The following ALK variants were observed in gnomAD, a reference collection of about 807,000 sequenced individuals.
The protein encoded by ALK is ALK receptor tyrosine kinase, also known as ALK tyrosine kinase receptor.
A neutral mutation model predicts 163.1 loss-of-function variants in ALK; 74 were observed. The ratio of observed to expected loss-of-function variants is 0.45; its 90% confidence interval spans 0.38 to 0.55. The LOEUF (loss-of-function observed/expected upper bound fraction) is 0.55, where lower values mean the gene tolerates loss of function less well. Among genes scored for constraint, ALK ranks in the 20% least tolerant of loss-of-function variants. The pLI is 0.00. For synonymous variants in ALK, 960 were observed against 843.2 expected (o/e 1.14, Z -2.40); for missense variants, 2,063 against 2,105.3 (o/e 0.98, Z 0.39).
intron 11 of ALK, among the ~76,000 whole-genome samples, chr2:29,272,789 T>C (rs998475096): frequency 5.9e-5 from 9 of 152,240 alleles, no homozygotes; most frequent in Admixed American, 5.9e-4. Context: ...AACTCTTCCC[T>C]GCTCTTTTCC....
At chr2:29,657,440 A>C (rs1677218218) in intron 3 of ALK, among the ~76,000 whole-genome samples, 1 of 152,170 alleles carries the variant, frequency 6.6e-6, no homozygotes, top group African/African-American at 2.4e-5. Flanking sequence ...TCTGAAACTG[A>C]GGTACACATT....
intron 4 of ALK, among the ~76,000 whole-genome samples, chr2:29,446,201 C>T (rs1049138887): frequency 9.4e-5 from 14 of 149,460 alleles, no homozygotes; most frequent in Middle Eastern, 3.6e-3. Context: ...AACACAACAA[C>T]CAGCAAATAG....
At chr2:29,333,108 GT>G (rs928737453) in intron 5 of ALK, among the ~76,000 whole-genome samples, 25 of 143,900 alleles carry the variant, frequency 1.7e-4, no homozygotes, top group African/African-American at 7.1e-4. Flanking sequence ...GTGAAGTTGG[GT>G]TTTTTTGTTT....
rs559235121 is a variant in ALK at position 29,233,461 on chromosome 2, C to T, written c.2487+104G>A. ...GTACCTGGCCCTGCTCATCTTTACACGGGGATAAGAGCATCTGAGGTGTTT... is the reference window on the plus strand; with the variant it reads ...GTACCTGGCCCTGCTCATCTTTACATGGGGATAAGAGCATCTGAGGTGTTT... On this transcript the variant is annotated intron_variant, in intron 14 of 28. Coordinates refer to ENST00000389048, the MANE Select transcript of ALK (RefSeq NM_004304.5). 7,795 of 1,542,582 alleles carry T rather than the reference C, an allele frequency of 5.1e-3. 23 individuals carry two copies. Among genetic ancestry groups the T allele is most frequent in the Non-Finnish European group, 6.3e-3 (7,095 of 1,117,350 alleles).
rs62130613 is a variant in ALK at position 29,278,443 on chromosome 2, G to C, written c.1818-2947C>G. Among the ~76,000 whole-genome samples, 1,443 of 152,232 alleles carry C rather than the reference G, an allele frequency of 9.5e-3. 25 individuals are homozygous for C. Among genetic ancestry groups the C allele is most frequent in the Non-Finnish European group, 0.015 (1,038 of 67,994 alleles). ...GATGGGGACCAGGAGAGGAGGCAGA[G>C]GCAGGGGAGACAGCATGAGAGGCAT... is the stretch of plus-strand genomic sequence containing the variant. On this transcript the variant is annotated intron_variant, in intron 9 of 28. Transcript: ENST00000389048.
intron 4 of ALK, among the ~76,000 whole-genome samples, chr2:29,478,684 T>A (rs1175820089): frequency 6.6e-6 from 1 of 152,212 alleles, no homozygotes; most frequent in African/African-American, 2.4e-5. Context: ...GTATCAACGA[T>A]GAGCATGGAC....
intron 4 of ALK, among the ~76,000 whole-genome samples, chr2:29,419,372 T>A (rs2148328218): frequency 6.6e-6 from 1 of 151,440 alleles, no homozygotes; most frequent in African/African-American, 2.4e-5. Context: ...CATTTCCCCA[T>A]GTGCTTATAA....
At chr2:29,372,745 T>G (rs559833696) in intron 5 of ALK, among the ~76,000 whole-genome samples, 1 of 152,244 alleles carries the variant, frequency 6.6e-6, no homozygotes, top group East Asian at 1.9e-4. Flanking sequence ...CTGTCCATGA[T>G]GCTGTATCCC....
chr2:29,244,871 T>C (rs929368888), intron 12 of ALK, among the ~76,000 whole-genome samples: 1 of 152,276 alleles, frequency 6.6e-6, no homozygotes, highest in East Asian at 1.9e-4. Context: ...TGGACTGTTA[T>C]TAAACTTTTC....
At chr2:29,425,170 A>C (rs1670104000) in intron 4 of ALK, among the ~76,000 whole-genome samples, 1 of 152,216 alleles carries the variant, frequency 6.6e-6, no homozygotes, top group South Asian at 2.1e-4. Flanking sequence ...AAATGAAAAA[A>C]AATTAAGAGA....
intron 3 of ALK, among the ~76,000 whole-genome samples, chr2:29,678,476 T>G (rs1214573350): frequency 1.3e-5 from 2 of 151,572 alleles, no homozygotes; most frequent in Non-Finnish European, 3.0e-5. Flanking sequence ...TTTCATCTCA[T>G]AAGTTTTAAT....
chr2:29,512,111 C>T (rs939129519), intron 4 of ALK, among the ~76,000 whole-genome samples: 1 of 152,076 alleles, frequency 6.6e-6, no homozygotes, highest in African/African-American at 2.4e-5. Flanking sequence ...TTTTTGTATG[C>T]TATCTAAAAA....
At chr2:29,417,723 C>T (rs1573335942) in intron 4 of ALK, among the ~76,000 whole-genome samples, 1 of 152,224 alleles carries the variant, frequency 6.6e-6, no homozygotes, top group East Asian at 1.9e-4. Context: ...CCAGATATTA[C>T]ATCAGGAAGA....
At chr2:29,288,603 T>A (rs539702003) in intron 9 of ALK, among the ~76,000 whole-genome samples, 2 of 152,160 alleles carry the variant, frequency 1.3e-5, no homozygotes, top group South Asian at 2.1e-4. Context: ...ATGGAAAAAA[T>A]TTTTTGACCA....
At chr2:29,404,149 C>T (rs929584557) in intron 4 of ALK, among the ~76,000 whole-genome samples, 3 of 151,248 alleles carry the variant, frequency 2.0e-5, no homozygotes, top group Admixed American at 6.6e-5. Flanking sequence ...ACTAAAAATA[C>T]AAAAATTAGC....
intron 5 of ALK, 66 bp downstream of exon 5, chr2:29,383,666 T>G: frequency 6.2e-7 from 1 of 1,607,576 alleles, no homozygotes; most frequent in Non-Finnish European, 8.5e-7. Flanking sequence ...CAAACATGGT[T>G]GCAGGTTATT....
intron 1 of ALK, among the ~76,000 whole-genome samples, chr2:29,731,953 A>G (rs2148318057): frequency 6.6e-6 from 1 of 152,300 alleles, no homozygotes; most frequent in East Asian, 1.9e-4. Context: ...TCTCATACTC[A>G]GCAGTGGGAG....
rs776898697 is a variant in ALK, at chr2:29,193,309, A to C, written c.4778T>G (p.Leu1593Ter). 6.2e-7 allele frequency: 1 copy of C among 1,614,136 alleles called. No individual in the cohort carries two copies. Among genetic ancestry groups the C allele is most frequent in the African/African-American group, 1.3e-5 (1 of 75,042 alleles). The change falls in exon 29 of 29, where the codon TTA becomes TGA. Residue 1593 changes from leucine to a stop codon, truncating the protein, a stop_gained. Transcript: ENST00000389048. LOFTEE classifies it low-confidence loss of function (END_TRUNC). ...AGCTCCAGGGGCAGTAGCGGCTTCTAAGGGCAAGCCCTGTTGCTGGTAGCC... is the reference window on the plus strand; with the variant it reads ...AGCTCCAGGGGCAGTAGCGGCTTCTCAGGGCAAGCCCTGTTGCTGGTAGCC... Reference protein sequence around the residue: ...NYGYQQQGLPLEAATAPGAGH... With the variant: ...NYGYQQQGLP
At chr2:29,351,683 T>C (rs752310544) in intron 5 of ALK, among the ~76,000 whole-genome samples, 6 of 152,180 alleles carry the variant, frequency 3.9e-5, no homozygotes, top group Non-Finnish European at 7.3e-5. Flanking sequence ...ATGGTGATGA[T>C]TGCAGCTGCA....
Sources: allele counts gnomAD v4.1 joint callset (sites outside exome capture counted in the v4.1 genomes callset), GRCh38; gene constraint gnomAD v4.1.1; transcripts MANE v1.5; gene names NCBI Gene and HGNC (gene_info 2026-07-23, HGNC 2026-07-21).